MALRD1: variants seen among roughly 807,000 people sequenced by gnomAD.
MALRD1 encodes MAM and LDL-receptor class A domain-containing protein 1.
MALRD1 carries 247 observed loss-of-function variants against 242.1 expected under a neutral mutation model. The ratio of observed to expected loss-of-function variants is 1.02; its 90% CI spans 0.92 to 1.13. MALRD1 has a LOEUF of 1.13. Ranked by LOEUF, MALRD1 falls within the 50% of genes most tolerant of loss-of-function variation. The pLI is 0.00. For missense variants in MALRD1, 2,989 were observed against 2,533.1 expected, an observed-to-expected ratio of 1.18 and a Z score of -3.86; for synonymous variants, 995 against 866.6, an observed-to-expected ratio of 1.15 and a Z score of -2.60.
chr10:19,392,030 T>C (rs1313120480), intron 28 of MALRD1, among the ~76,000 whole-genome samples: 3 of 152,192 alleles, frequency 2.0e-5, no homozygotes, highest in Non-Finnish European at 2.9e-5. Flanking sequence ...CAGAAACATA[T>C]ACATGGAATC....
chr10:19,654,689 A>G (rs1037305109), intron 36 of MALRD1, among the ~76,000 whole-genome samples: 4 of 152,228 alleles, frequency 2.6e-5, no homozygotes, highest in Admixed American at 2.0e-4. Context: ...AAGTTCCTGA[A>G]AGAAACTACC....
intron 21 of MALRD1, among the ~76,000 whole-genome samples, chr10:19,316,226 C>T (rs1842703100): frequency 6.6e-6 from 1 of 151,582 alleles, no homozygotes; most frequent in African/African-American, 2.4e-5. Context: ...CAGAGCAATG[C>T]CATACAGTTT....
intron 2 of MALRD1, among the ~76,000 whole-genome samples, chr10:19,073,306 G>T (rs1338359751): frequency 6.6e-6 from 1 of 152,058 alleles, no homozygotes; most frequent in Non-Finnish European, 1.5e-5. Flanking sequence ...TATGTTGTTA[G>T]ATTTATATAT....
rs185533328 is a variant in MALRD1 at position 19,656,483 on chromosome 10, G to A, written c.6138-35799G>A. On this transcript the variant is annotated intron_variant, in intron 36 of 39. Transcript: ENST00000454679. ...AAATATGATTTAGAATAATAATAAG[G>A]GCCAATTACTTCTTGCTGAAGGGCC... Among the ~76,000 whole-genome samples the A allele has an allele frequency of 3.7e-3, 561 of 151,774 alleles. 2 individuals carry two copies. Among genetic ancestry groups the A allele is most frequent in the Middle Eastern group, 0.014 (4 of 294 alleles).
chr10:19,094,524 A>G (rs974445876), intron 4 of MALRD1, among the ~76,000 whole-genome samples: 119 of 150,954 alleles, frequency 7.9e-4, no homozygotes, highest in Middle Eastern at 6.9e-3. Context: ...CCGGTACCTC[A>G]GATGGAAATG....
intron 19 of MALRD1, among the ~76,000 whole-genome samples, chr10:19,273,896 C>G (rs1313648969): frequency 6.6e-6 from 1 of 151,950 alleles, no homozygotes; most frequent in East Asian, 1.9e-4. Flanking sequence ...TCAACATGAT[C>G]AAATAAGGAA....
At chr10:19,692,027 G>A (rs1564545247) in intron 36 of MALRD1, among the ~76,000 whole-genome samples, 2 of 152,124 alleles carry the variant, frequency 1.3e-5, no homozygotes, top group Non-Finnish European at 2.9e-5. Flanking sequence ...AAAGAACGAT[G>A]TGGAAACCAT....
At chr10:19,549,872 CCTAA>C (rs1835405363) in intron 32 of MALRD1, among the ~76,000 whole-genome samples, 1 of 152,148 alleles carries the variant, frequency 6.6e-6, no homozygotes, top group East Asian at 1.9e-4. Context: ...GTTCCTAATT[CCTAA>C]CTATTACATT....
At chr10:19,243,371 T>C (rs147024998) in intron 18 of MALRD1, among the ~76,000 whole-genome samples, 1 of 152,282 alleles carries the variant, frequency 6.6e-6, no homozygotes, top group Non-Finnish European at 1.5e-5. Flanking sequence ...TATTTAACTT[T>C]TTAAAAACTA....
intron 26 of MALRD1, among the ~76,000 whole-genome samples, chr10:19,384,040 T>G (rs1192113505): frequency 6.6e-6 from 1 of 151,772 alleles, no homozygotes; most frequent in Admixed American, 6.6e-5. Flanking sequence ...ATTCTGGTAT[T>G]GGAAGATAAG....
At chr10:19,611,934 A>G (rs576687893) in intron 35 of MALRD1, among the ~76,000 whole-genome samples, 1 of 152,152 alleles carries the variant, frequency 6.6e-6, no homozygotes, top group South Asian at 2.1e-4. Flanking sequence ...TCCACTATAG[A>G]GCATAAAAAT....
chr10:19,727,838 A>G (rs1281311420), intron 38 of MALRD1, among the ~76,000 whole-genome samples: 1 of 151,464 alleles, frequency 6.6e-6, no homozygotes. Flanking sequence ...AGGAAACTTT[A>G]TAATGAAACA....
chr10:19,608,180 A>T (rs2131593148), intron 35 of MALRD1, among the ~76,000 whole-genome samples: 1 of 152,252 alleles, frequency 6.6e-6, no homozygotes, highest in East Asian at 1.9e-4. Flanking sequence ...GATTATTAGC[A>T]TTTAATAATC....
At chr10:19,622,454 A>C (rs1011451475) in intron 36 of MALRD1, among the ~76,000 whole-genome samples, 1 of 151,844 alleles carries the variant, frequency 6.6e-6, no homozygotes, top group Non-Finnish European at 1.5e-5. Context: ...ATCCAGAAGA[A>C]CTTAAACAAG....
intron 29 of MALRD1, among the ~76,000 whole-genome samples, chr10:19,490,083 G>A (rs1014726628): frequency 2.0e-5 from 3 of 152,026 alleles, no homozygotes; most frequent in African/African-American, 7.2e-5. Context: ...GAAAGTCACT[G>A]GAATCACTTT....
intron 13 of MALRD1, among the ~76,000 whole-genome samples, chr10:19,171,701 T>TATATATAC (rs1834968680): frequency 7.8e-6 from 1 of 128,004 alleles, no homozygotes; most frequent in African/African-American, 2.8e-5. Flanking sequence ...TGTATGTGTG[T>TATATATAC]GTATATATAC....
chr10:19,057,540 A>T (rs1181609044), intron 1 of MALRD1, among the ~76,000 whole-genome samples: 1 of 152,210 alleles, frequency 6.6e-6, no homozygotes, highest in East Asian at 1.9e-4. Flanking sequence ...GGACACACAC[A>T]TTCAGCTTAT....
At chr10:19,459,766 G>A (rs1404682596) in intron 29 of MALRD1, among the ~76,000 whole-genome samples, 1 of 151,184 alleles carries the variant, frequency 6.6e-6, no homozygotes, top group Non-Finnish European at 1.5e-5. Flanking sequence ...ATTTAAAAAT[G>A]TAATTTAAAT....
intron 29 of MALRD1, among the ~76,000 whole-genome samples, chr10:19,466,573 C>T (rs1836226242): frequency 6.6e-6 from 1 of 152,156 alleles, no homozygotes; most frequent in African/African-American, 2.4e-5. Context: ...GGCTTGGTTT[C>T]TTCTGAGGCC....
Sources: allele counts gnomAD v4.1 joint callset (sites outside exome capture counted in the v4.1 genomes callset), GRCh38; gene constraint gnomAD v4.1.1; transcripts MANE v1.5; gene names NCBI Gene and HGNC (gene_info 2026-07-23, HGNC 2026-07-21).